The following HYAL4 variants were observed in gnomAD, a reference collection of about 807,000 sequenced individuals.
The protein encoded by HYAL4 is hyaluronidase 4.
HYAL4 carries 37 observed loss-of-function variants against 35.2 expected under a neutral mutation model. The ratio of observed to expected loss-of-function variants is 1.05; its 90% CI spans 0.81 to 1.38. HYAL4 has a LOEUF of 1.38. Among genes scored for constraint, HYAL4 ranks in the 40% most tolerant of loss-of-function variants. The pLI is 0.00. For missense variants in HYAL4, 572 were observed against 572.4 expected (o/e 1.00, Z 0.01); for synonymous variants, 198 against 203.2 (o/e 0.97, Z 0.22).
the HYAL4 span, among the ~76,000 whole-genome samples, chr7:123,779,930 CAT>C: frequency 6.6e-6 from 1 of 152,068 alleles, no homozygotes; most frequent in African/African-American, 2.4e-5. Context: ...ATCAAATACA[CAT>C]AAAAAACTAT....
At chr7:123,787,217 C>T in the HYAL4 span, among the ~76,000 whole-genome samples, 10 of 151,608 alleles carry the variant, frequency 6.6e-5, no homozygotes, top group Non-Finnish European at 1.3e-4. Flanking sequence ...CTATGATTTA[C>T]TAGAGGGCCC....
chr7:123,791,669 A>G, the HYAL4 span, among the ~76,000 whole-genome samples: 5 of 152,206 alleles, frequency 3.3e-5, no homozygotes, highest in Admixed American at 6.5e-5. Flanking sequence ...CTTCACAGAC[A>G]TGGATGGCAG....
chr7:123,853,684 T>TTTG (rs369090724), intron 2 of HYAL4, among the ~76,000 whole-genome samples: 1 of 152,110 alleles, frequency 6.6e-6, no homozygotes, highest in African/African-American at 2.4e-5. Flanking sequence ...TGGCCTGAAA[T>TTTG]TTGTTGTTGT....
intron 3 of HYAL4, among the ~76,000 whole-genome samples, chr7:123,872,679 A>G (rs939126630): frequency 2.0e-5 from 3 of 152,196 alleles, no homozygotes; most frequent in African/African-American, 7.2e-5. Flanking sequence ...CTGTGGCTCA[A>G]GCTTTCAGGT....
intron 1 of HYAL4, among the ~76,000 whole-genome samples, chr7:123,837,805 G>A (rs879756374): frequency 6.6e-6 from 1 of 151,618 alleles, no homozygotes; most frequent in Admixed American, 6.6e-5. Flanking sequence ...TGCTGAGAAT[G>A]ATGGTTTCCA....
In HYAL4 at chr7:123,845,705, T is replaced by G. The variant is rs1249032675; in HGVS notation, c.-122+20T>G. ...TTGCTGGTGAGCTAGTGTAATTTTT[T>G]GGGGGGGATGTTAAAGAAAGTTGTT... On this transcript the variant is annotated intron_variant, in intron 1 of 4. Transcript: ENST00000223026. The G allele has an allele frequency of 6.6e-6, 1 of 152,128 alleles. No individual in the cohort carries two copies. Among genetic ancestry groups the G allele is most frequent in the Non-Finnish European group, 1.5e-5 (1 of 68,020 alleles). 9.4% of individuals were successfully genotyped at this position (152,128 alleles called of 1,614,324 possible).
the HYAL4 span, among the ~76,000 whole-genome samples, chr7:123,763,944 C>T: frequency 6.6e-6 from 1 of 152,290 alleles, no homozygotes; most frequent in African/African-American, 2.4e-5. Flanking sequence ...TCTCCTGTTT[C>T]CCCCAGTGTG....
the HYAL4 span, among the ~76,000 whole-genome samples, chr7:123,787,498 T>C: frequency 3.2e-4 from 49 of 152,264 alleles, no homozygotes; most frequent in African/African-American, 1.1e-3. Flanking sequence ...TCTCCAAAGC[T>C]TGCAAGGCCA....
the HYAL4 span, among the ~76,000 whole-genome samples, chr7:123,799,794 T>C: frequency 6.6e-6 from 1 of 152,146 alleles, no homozygotes; most frequent in African/African-American, 2.4e-5. Context: ...ACAAGGTCTC[T>C]TATTTACTTC....
At chr7:123,768,523 G>C in the HYAL4 span, among the ~76,000 whole-genome samples, 3 of 152,146 alleles carry the variant, frequency 2.0e-5, no homozygotes, top group Non-Finnish European at 4.4e-5. Flanking sequence ...AGAGACTCGG[G>C]ATGTTTTTTG....
upstream of HYAL4, among the ~76,000 whole-genome samples, chr7:123,824,453 T>C (rs1055534571): frequency 3.3e-5 from 5 of 152,046 alleles, no homozygotes; most frequent in African/African-American, 1.2e-4. Flanking sequence ...TTAATGACAT[T>C]AGTAATTATC....
At chr7:123,869,980 G>A (rs955776675) in intron 3 of HYAL4, among the ~76,000 whole-genome samples, 2 of 152,078 alleles carry the variant, frequency 1.3e-5, no homozygotes, top group Non-Finnish European at 2.9e-5. Context: ...ATGAGCCACC[G>A]TGCCCAGCCT....
At chr7:123,860,030 G>C (rs984800072) in intron 2 of HYAL4, among the ~76,000 whole-genome samples, 2 of 152,052 alleles carry the variant, frequency 1.3e-5, no homozygotes, top group African/African-American at 4.8e-5. Flanking sequence ...TGTGTGGAGG[G>C]AGGGAAGTGA....
chr7:123,810,837 C>A, the HYAL4 span, among the ~76,000 whole-genome samples: 1 of 152,214 alleles, frequency 6.6e-6, no homozygotes, highest in Non-Finnish European at 1.5e-5. Flanking sequence ...GTCCCTCTCC[C>A]CAACCCTTGG....
At chr7:123,850,057 T>C (rs1806267755) in intron 2 of HYAL4, among the ~76,000 whole-genome samples, 1 of 151,806 alleles carries the variant, frequency 6.6e-6, no homozygotes, top group African/African-American at 2.4e-5. Context: ...TTGGGAATTC[T>C]TCCAATAAGT....
At chr7:123,840,877 G>T (rs1488807902), upstream of HYAL4, among the ~76,000 whole-genome samples, 14 of 152,036 alleles carry the variant, frequency 9.2e-5, no homozygotes, top group Non-Finnish European at 1.8e-4. Flanking sequence ...TCAGCTTAAG[G>T]AGATTTTGGG....
the HYAL4 span, among the ~76,000 whole-genome samples, chr7:123,781,997 C>T: frequency 6.6e-6 from 1 of 152,072 alleles, no homozygotes; most frequent in African/African-American, 2.4e-5. Flanking sequence ...GCCTTGGACT[C>T]GTGAGGCTCA....
chr7:123,820,995 GCTGA>G, the HYAL4 span, among the ~76,000 whole-genome samples: 8 of 152,038 alleles, frequency 5.3e-5, no homozygotes, highest in South Asian at 2.1e-4. Flanking sequence ...CTTTTAAAAG[GCTGA>G]CTAATATTTC....
chr7:123,863,745 G>A (rs544676096), intron 2 of HYAL4, among the ~76,000 whole-genome samples: 1 of 152,270 alleles, frequency 6.6e-6, no homozygotes, highest in Non-Finnish European at 1.5e-5. Flanking sequence ...GTCCAGACTG[G>A]TATTCTGTGA....
Sources: allele counts gnomAD v4.1 joint callset (sites outside exome capture counted in the v4.1 genomes callset), GRCh38; gene constraint gnomAD v4.1.1; transcripts MANE v1.5; gene names NCBI Gene and HGNC (gene_info 2026-07-23, HGNC 2026-07-21).